Variants in PTPRK observed in about 807,000 individuals in gnomAD.
PTPRK encodes the protein protein tyrosine phosphatase receptor type K, also known as receptor-type tyrosine-protein phosphatase kappa.
PTPRK carries 75 observed loss-of-function variants against 178.0 expected under a neutral mutation model. The ratio of observed to expected loss-of-function variants is 0.42; its 90% CI spans 0.35 to 0.51. The LOEUF (loss-of-function observed/expected upper bound fraction) is 0.51, where lower values mean the gene tolerates loss of function less well. Among genes scored for constraint, PTPRK ranks in the 20% least tolerant of loss-of-function variants. PTPRK has a pLI of 0.02. For synonymous variants in PTPRK, 637 were observed against 620.6 expected (o/e 1.03, Z -0.39); for missense variants, 1,441 against 1,797.8 (o/e 0.80, Z 3.59).
rs148515358 is a variant in PTPRK, at chr6:127,983,293, G to A, written c.3336C>T (p.Tyr1112=). ...GAGATCTTAAGGCTTTGACACAATTGTAAATATCAACAACACCCTCTCTTT... is the reference window on the plus strand; with the variant it reads ...GAGATCTTAAGGCTTTGACACAATTATAAATATCAACAACACCCTCTCTTT... ...MAEREGVVDI[Y]NCVKALRSRR... is the part of the protein sequence containing the mutation. The change falls in exon 23 of 30, where the codon TAC becomes TAT. Residue 1112 remains tyrosine (Y), a synonymous_variant. Transcript: ENST00000368226. 2.5e-3 allele frequency: 4,065 copies of A among 1,613,558 alleles called. 18 individuals carry two copies. Among genetic ancestry groups the A allele is most frequent in the South Asian group, 2.9e-3 (266 of 91,048 alleles).
intron 21 of PTPRK, among the ~76,000 whole-genome samples, chr6:127,989,811 C>G (rs1472121467): frequency 8.5e-6 from 1 of 117,952 alleles, no homozygotes; most frequent in Non-Finnish European, 1.8e-5. Flanking sequence ...TTCAGAGATT[C>G]TAGTTTTTTT....
At chr6:128,053,549 G>A (rs1779409549) in intron 13 of PTPRK, among the ~76,000 whole-genome samples, 1 of 152,026 alleles carries the variant, frequency 6.6e-6, no homozygotes. Flanking sequence ...ATTTCCCAAG[G>A]TGGATTGCCT....
chr6:128,043,652 AAG>A (rs1777565293), intron 13 of PTPRK, among the ~76,000 whole-genome samples: 1 of 139,266 alleles, frequency 7.2e-6, no homozygotes, highest in Admixed American at 7.3e-5. Context: ...GCAAAAAAAA[AAG>A]AGAAAGATAG....
chr6:128,169,388 A>T (rs1379001665), intron 7 of PTPRK, among the ~76,000 whole-genome samples: 1 of 152,046 alleles, frequency 6.6e-6, no homozygotes, highest in Admixed American at 6.6e-5. Flanking sequence ...AAAGAAAAAA[A>T]ACAAAGAAGC....
rs904809188 is a variant in PTPRK, at chr6:127,969,003, T to C, written c.*1224A>G. 2.0e-5 allele frequency: 3 copies of C among 152,206 alleles called. No homozygotes were observed. Among genetic ancestry groups the C allele is most frequent in the Admixed American group, 6.5e-5 (1 of 15,278 alleles). The allele number at this position is 152,206 out of a possible 1,614,324, so 9.4% of individuals were successfully genotyped here. On this transcript the variant is annotated 3_prime_UTR_variant, in exon 30 of 30. Coordinates refer to ENST00000368226, the MANE Select transcript of PTPRK (RefSeq NM_002844.4). Reference sequence around the variant, plus strand: ...CATGACAATGCGCAAAACAGGAATCTGGCATTGATTTGTTCACACTTTTTA... The same window carrying C: ...CATGACAATGCGCAAAACAGGAATCCGGCATTGATTTGTTCACACTTTTTA...
intron 3 of PTPRK, among the ~76,000 whole-genome samples, chr6:128,303,892 T>A (rs1826001422): frequency 6.6e-6 from 1 of 152,208 alleles, no homozygotes; most frequent in Non-Finnish European, 1.5e-5. Flanking sequence ...TTAACAATTA[T>A]TTGAAGTCTA....
intron 1 of PTPRK, among the ~76,000 whole-genome samples, chr6:128,411,431 G>C (rs995079862): frequency 2.6e-5 from 4 of 152,170 alleles, no homozygotes; most frequent in Non-Finnish European, 4.4e-5. Flanking sequence ...TCTTTTCCCA[G>C]AGAGAAAGTA....
At chr6:128,012,061 A>G (rs2114728408) in intron 13 of PTPRK, among the ~76,000 whole-genome samples, 1 of 151,428 alleles carries the variant, frequency 6.6e-6, no homozygotes, top group South Asian at 2.1e-4. Context: ...AATCTTCAAC[A>G]TAATTATTAA....
rs535119586 is a variant in PTPRK, at chr6:128,130,417, G to A, written c.1163-40425C>T. Among the ~76,000 whole-genome samples, 31 of 152,278 alleles carry A rather than the reference G, an allele frequency of 2.0e-4. 1 individual carries two copies. The South Asian group carries it at 4.1e-3, about 20-fold the overall frequency. The stretch of plus-strand genomic sequence containing the variant: ...TACTCCAGTGTCTCATTCAGTGAAT[G>A]GTCCCACTGAGTTACGAGCTAGAAA... On this transcript the variant is annotated intron_variant, in intron 7 of 29. Coordinates refer to ENST00000368226, the MANE Select transcript of PTPRK (RefSeq NM_002844.4).
chr6:128,516,304 A>ACT (rs1247832043), intron 1 of PTPRK, among the ~76,000 whole-genome samples: 1 of 151,736 alleles, frequency 6.6e-6, no homozygotes, highest in Non-Finnish European at 1.5e-5. Context: ...CAGCAGCCAG[A>ACT]CTCTCCTCTT....
At chr6:128,417,954 T>C (rs183045251) in intron 1 of PTPRK, among the ~76,000 whole-genome samples, 3 of 152,298 alleles carry the variant, frequency 2.0e-5, no homozygotes, top group African/African-American at 7.2e-5. Context: ...TTCCCACCCA[T>C]ATACAGAGAG....
intron 13 of PTPRK, among the ~76,000 whole-genome samples, chr6:128,048,735 C>T (rs1778504206): frequency 6.6e-6 from 1 of 152,124 alleles, no homozygotes; most frequent in South Asian, 2.1e-4. Flanking sequence ...ATTAAGTATA[C>T]AGAAGGATGT....
chr6:127,974,220 T>C lies in PTPRK; in HGVS notation c.3970-393A>G, dbSNP rs565741967. Among the ~76,000 whole-genome samples, 6 of 152,364 alleles carry C rather than the reference T, an allele frequency of 3.9e-5. No homozygotes were observed. The South Asian group carries it at 1.0e-3, about 26-fold the overall frequency. The stretch of plus-strand genomic sequence containing the variant: ...TTCCAGTCCATTCTTACTATAGGCA[T>C]CATGATTATTTTGAACTGCAGATAC... On this transcript the variant is annotated intron_variant, in intron 27 of 29. Coordinates refer to ENST00000368226, the MANE Select transcript of PTPRK (RefSeq NM_002844.4).
chr6:128,158,104 A>G (rs572520987), intron 7 of PTPRK, among the ~76,000 whole-genome samples: 1 of 151,770 alleles, frequency 6.6e-6, no homozygotes, highest in Non-Finnish European at 1.5e-5. Context: ...ATCTTGAATT[A>G]ATTTTTGTAT....
intron 7 of PTPRK, among the ~76,000 whole-genome samples, chr6:128,150,111 C>T (rs185237729): frequency 7.1e-4 from 108 of 152,220 alleles, no homozygotes; most frequent in Middle Eastern, 3.4e-3. Flanking sequence ...AAAAGGAATG[C>T]CAAGAAGTTT....
At chr6:128,401,889 C>A (rs535798883) in intron 1 of PTPRK, among the ~76,000 whole-genome samples, 6 of 152,214 alleles carry the variant, frequency 3.9e-5, no homozygotes, top group Non-Finnish European at 7.4e-5. Flanking sequence ...ACAAATTAAC[C>A]TTCTCCAATT....
intron 7 of PTPRK, among the ~76,000 whole-genome samples, chr6:128,136,087 G>A (rs1161339249): frequency 1.3e-5 from 2 of 152,128 alleles, no homozygotes; most frequent in Non-Finnish European, 2.9e-5. Context: ...AGAAGAGAAA[G>A]AGATATCTGG....
chr6:128,432,237 C>T (rs1234409833), intron 1 of PTPRK, among the ~76,000 whole-genome samples: 17 of 152,136 alleles, frequency 1.1e-4, no homozygotes, highest in South Asian at 2.1e-4. Flanking sequence ...TCTTATTGTA[C>T]GAATATTTGG....
chr6:128,451,147 C>G (rs1425604619), intron 1 of PTPRK, among the ~76,000 whole-genome samples: 1 of 152,190 alleles, frequency 6.6e-6, no homozygotes, highest in Non-Finnish European at 1.5e-5. Flanking sequence ...CTTTCCAACT[C>G]TTAAAATACT....
Sources: gnomAD v4.1 joint callset for allele counts (sites outside exome capture counted in the v4.1 genomes callset) on GRCh38, gnomAD v4.1.1 for gene constraint, MANE v1.5 for transcripts, NCBI Gene and HGNC (gene_info 2026-07-23, HGNC 2026-07-21) for gene names.